The following IFTAP variants were observed in gnomAD, a reference collection of about 807,000 sequenced individuals.
IFTAP encodes the protein intraflagellar transport associated protein, also known as intraflagellar transport-associated protein.
IFTAP carries 19 observed loss-of-function variants against 19.4 expected under a neutral mutation model. The ratio of observed to expected loss-of-function variants is 0.98; its 90% CI spans 0.68 to 1.44. The LOEUF is 1.44. Ranked by LOEUF, IFTAP falls within the 40% of genes most tolerant of loss-of-function variation. The pLI, the probability that IFTAP is intolerant of heterozygous loss-of-function variation, is 0.00. For synonymous variants in IFTAP, 85 were observed against 83.5 expected (o/e 1.02, Z -0.10); for missense variants, 240 against 253.6 (o/e 0.95, Z 0.36).
chr11:36,651,613 A>G lies in IFTAP; in HGVS notation c.498+3458A>G, dbSNP rs370961512. Among the ~76,000 whole-genome samples the G allele has an allele frequency of 2.6e-5, 4 of 152,298 alleles. No homozygotes were observed. The East Asian group carries it at 7.7e-4, about 29-fold the overall frequency. On this transcript the variant is annotated intron_variant, in intron 5 of 5. Transcript: ENST00000334307. The stretch of plus-strand genomic sequence containing the variant: ...TGCCATTGCTTTTGGTGTTTTAGAC[A>G]TGAAGTCCTTGCCCATGCCTATGTC...
At chr11:36,637,601 G>A (rs1251752769) in intron 4 of IFTAP, among the ~76,000 whole-genome samples, 1 of 152,128 alleles carries the variant, frequency 6.6e-6, no homozygotes, top group East Asian at 1.9e-4. Context: ...TCCCAATAGA[G>A]AATCTAATTC....
intron 4 of IFTAP, among the ~76,000 whole-genome samples, chr11:36,644,489 C>G (rs1853382740): frequency 6.6e-6 from 1 of 152,158 alleles, no homozygotes; most frequent in African/African-American, 2.4e-5. Context: ...CCCAGCTATC[C>G]CATTACTGGG....
intron 1 of IFTAP, among the ~76,000 whole-genome samples, chr11:36,595,712 A>G (rs1051729430): frequency 6.6e-6 from 1 of 152,266 alleles, no homozygotes; most frequent in African/African-American, 2.4e-5. Context: ...TAATAGTTGA[A>G]TATACGTAAA....
intron 1 of IFTAP, among the ~76,000 whole-genome samples, chr11:36,605,046 CT>C (rs1343106699): frequency 6.6e-6 from 1 of 151,196 alleles, no homozygotes; most frequent in Non-Finnish European, 1.5e-5. Flanking sequence ...GCAGTTTGGT[CT>C]TTTGGAGATT....
intron 4 of IFTAP, among the ~76,000 whole-genome samples, chr11:36,644,532 A>C (rs1853386567): frequency 6.6e-6 from 1 of 152,206 alleles, no homozygotes; most frequent in South Asian, 2.1e-4. Flanking sequence ...TCGTGCTGCT[A>C]TAAAGACACA....
chr11:36,612,436 G>A (rs1851909753), intron 2 of IFTAP, among the ~76,000 whole-genome samples: 1 of 151,972 alleles, frequency 6.6e-6, no homozygotes. Flanking sequence ...AATACCTTCT[G>A]AGAAACCAGG....
rs561501507 is a variant in IFTAP at position 36,650,371 on chromosome 11, G to GT, written c.498+2224dup. Among the ~76,000 whole-genome samples, 996 of 150,906 alleles carry GT rather than the reference G, an allele frequency of 6.6e-3. 10 individuals are homozygous for GT. The highest frequency in any genetic ancestry group is 0.023 in the African/African-American group (957 of 41,146). On this transcript the variant is annotated intron_variant, in intron 5 of 5. Coordinates refer to ENST00000334307, the MANE Select transcript of IFTAP (RefSeq NM_138787.4). Reference sequence around the variant, plus strand: ...CCAACTCAATGTTTTACCTAATTTTGTTTTTTTTAATTTTTAAATTAACAT... The same window carrying GT: ...CCAACTCAATGTTTTACCTAATTTTGTTTTTTTTTAATTTTTAAATTAACAT...
At chr11:36,614,723 A>G (rs1852006613) in intron 2 of IFTAP, among the ~76,000 whole-genome samples, 1 of 148,658 alleles carries the variant, frequency 6.7e-6, no homozygotes, top group African/African-American at 2.5e-5. Flanking sequence ...TCTTCTTTTG[A>G]GAAGTGTCTG....
chr11:36,614,087 G>A (rs1294065250), intron 2 of IFTAP, among the ~76,000 whole-genome samples: 1 of 143,060 alleles, frequency 7.0e-6, no homozygotes, highest in Non-Finnish European at 1.5e-5. Flanking sequence ...CCCCACCACA[G>A]TCCCCAGAGT....
At chr11:36,640,687 T>A (rs886279330) in intron 4 of IFTAP, among the ~76,000 whole-genome samples, 2 of 152,186 alleles carry the variant, frequency 1.3e-5, no homozygotes, top group African/African-American at 4.8e-5. Flanking sequence ...AAAATTAGAT[T>A]TTTAGAGAAC....
At chr11:36,635,017 G>A (rs940922514) in intron 3 of IFTAP, among the ~76,000 whole-genome samples, 6 of 152,114 alleles carry the variant, frequency 3.9e-5, no homozygotes, top group Admixed American at 2.0e-4. Context: ...CCATTATGTG[G>A]AAGATAAATT....
intron 2 of IFTAP, among the ~76,000 whole-genome samples, chr11:36,618,039 T>C (rs1456383145): frequency 2.6e-5 from 4 of 152,128 alleles, no homozygotes; most frequent in Admixed American, 6.6e-5. Flanking sequence ...GTGAGTTCTT[T>C]CGTACATTTT....
At chr11:36,601,934 G>A (rs1469169416) in intron 1 of IFTAP, among the ~76,000 whole-genome samples, 4 of 152,276 alleles carry the variant, frequency 2.6e-5, no homozygotes, top group East Asian at 1.9e-4. Context: ...TTACAGGCAC[G>A]AACTGTGCAC....
chr11:36,618,422 A>G (rs1056036196), intron 2 of IFTAP, among the ~76,000 whole-genome samples: 1 of 152,018 alleles, frequency 6.6e-6, no homozygotes, highest in Admixed American at 6.6e-5. Flanking sequence ...ACAGGAATGG[A>G]TGTGCTACCT....
At chr11:36,631,061 T>C (rs762921944) in intron 2 of IFTAP, among the ~76,000 whole-genome samples, 3 of 151,470 alleles carry the variant, frequency 2.0e-5, no homozygotes, top group Admixed American at 6.6e-5. Context: ...CCTAAGACCA[T>C]TTCTTCCTCA....
chr11:36,636,703 A>C (rs1354889503), intron 4 of IFTAP, among the ~76,000 whole-genome samples: 2 of 152,176 alleles, frequency 1.3e-5, no homozygotes, highest in Non-Finnish European at 1.5e-5. Flanking sequence ...TTTTGCTTTT[A>C]AAAATATTTA....
At chr11:36,631,550 G>A (rs1436621352) in intron 2 of IFTAP, among the ~76,000 whole-genome samples, 1 of 151,204 alleles carries the variant, frequency 6.6e-6, no homozygotes, top group East Asian at 1.9e-4. Context: ...ACAACAACAT[G>A]AATCTCACTG....
At chr11:36,639,227 T>C (rs1449902003) in intron 4 of IFTAP, among the ~76,000 whole-genome samples, 1 of 151,906 alleles carries the variant, frequency 6.6e-6, no homozygotes, top group Non-Finnish European at 1.5e-5. Context: ...ACCTCTTTTC[T>C]GGTCAAGTGC....
At chr11:36,653,113 C>T (rs1364832835) in intron 5 of IFTAP, among the ~76,000 whole-genome samples, 1 of 152,088 alleles carries the variant, frequency 6.6e-6, no homozygotes, top group African/African-American at 2.4e-5. Context: ...CCTATAAAGA[C>T]AGTTTATTTA....
Sources: gnomAD v4.1 joint callset for allele counts (sites outside exome capture counted in the v4.1 genomes callset) on GRCh38, gnomAD v4.1.1 for gene constraint, MANE v1.5 for transcripts, NCBI Gene and HGNC (gene_info 2026-07-23, HGNC 2026-07-21) for gene names.